The following MYL12B variants were observed in gnomAD, a reference collection of about 807,000 sequenced individuals.
The protein encoded by MYL12B is myosin regulatory light chain 12B.
Under a neutral mutation model 12.9 loss-of-function variants are expected in MYL12B, and 3 were observed. That is an observed-to-expected ratio of 0.23 (90% confidence interval 0.11 to 0.60). The LOEUF (loss-of-function observed/expected upper bound fraction) is 0.60. Ranked by LOEUF, MYL12B falls within the 20% of genes least tolerant of loss-of-function variation. MYL12B has a pLI of 0.89. For missense variants in MYL12B, 120 were observed against 215.4 expected (o/e 0.56, Z 2.77); for synonymous variants, 57 against 71.9 (o/e 0.79, Z 1.05).
chr18:3,267,350 G>A (rs918476192), intron 1 of MYL12B, among the ~76,000 whole-genome samples: 1 of 152,202 alleles, frequency 6.6e-6, no homozygotes, highest in Admixed American at 6.5e-5. Flanking sequence ...TGTGCTCTGT[G>A]AGCATCTTCC....
At chr18:3,274,038 C>T (rs2081707203) in intron 2 of MYL12B, among the ~76,000 whole-genome samples, 2 of 152,182 alleles carry the variant, frequency 1.3e-5, no homozygotes, top group South Asian at 2.1e-4. Flanking sequence ...TAGTGAACAC[C>T]TATACATCTT....
At chr18:3,273,489 GA>G (rs1477581795) in intron 2 of MYL12B, among the ~76,000 whole-genome samples, 23 of 152,108 alleles carry the variant, frequency 1.5e-4, no homozygotes, top group Admixed American at 6.6e-5. Context: ...AGTGCGACTG[GA>G]AAAGGGAACA....
At chr18:3,262,702 T>C (rs944098924) in intron 1 of MYL12B, 1 of 152,286 alleles carries the variant, frequency 6.6e-6, no homozygotes, top group Non-Finnish European at 1.5e-5. Flanking sequence ...TGCCCAACAC[T>C]ATCCTAGATG....
intron 1 of MYL12B, among the ~76,000 whole-genome samples, chr18:3,268,436 T>C (rs1031111749): frequency 1.2e-4 from 18 of 152,192 alleles, no homozygotes; most frequent in Admixed American, 6.5e-5. Flanking sequence ...CATTAATAAA[T>C]TGGACAGTCC....
intron 1 of MYL12B, chr18:3,262,706 C>G (rs1418304442): frequency 6.6e-6 from 1 of 152,328 alleles, no homozygotes; most frequent in Non-Finnish European, 1.5e-5. Flanking sequence ...CAACACTATC[C>G]TAGATGCTTT....
In MYL12B at chr18:3,272,904, G is replaced by A. The variant is rs377490732; in HGVS notation, c.6G>A (p.Ser2=). The change falls in exon 2 of 4, where the codon TCG becomes TCA. Residue 2 remains serine, a synonymous_variant. Transcript: ENST00000237500. M[S]SKKAKTKTTK... ...TCCAGAATTAAACAACCACCATGTC[G>A]AGCAAAAAGGCAAAGACCAAGACCA... 4.0e-5 allele frequency: 63 copies of A among 1,588,366 alleles called. 1 individual carries two copies. Among genetic ancestry groups the A allele is most frequent in the Non-Finnish European group, 4.6e-5 (54 of 1,170,092 alleles).
chr18:3,270,617 A>G (rs1030108202), intron 1 of MYL12B, among the ~76,000 whole-genome samples: 4 of 152,188 alleles, frequency 2.6e-5, no homozygotes, highest in Non-Finnish European at 5.9e-5. Context: ...TAAATATAGT[A>G]TATTTTTGGG....
At position 3,264,472 on chromosome 18, in the gene MYL12B, TGTG is replaced by T. The variant is rs2081621236; in HGVS notation, c.-16+2237_-16+2239del. On this transcript the variant is annotated intron_variant, in intron 1 of 3. Transcript: ENST00000237500. ...TAATCCTAATGCTTTGAGAAGCCAA[TGTG>T]GGGGGATCATTTGAAGCCAGGGGTT... Among the ~76,000 whole-genome samples the T allele has an allele frequency of 3.3e-5, 5 of 152,176 alleles. No individual in the cohort carries two copies. In the South Asian group the frequency reaches 1.0e-3, roughly 32 times the overall value.
intron 1 of MYL12B, among the ~76,000 whole-genome samples, chr18:3,269,103 G>A (rs1399032669): frequency 1.3e-5 from 2 of 152,212 alleles, no homozygotes; most frequent in South Asian, 4.1e-4. Flanking sequence ...AAAGTACAAA[G>A]CAGGGAATGG....
intron 1 of MYL12B, among the ~76,000 whole-genome samples, chr18:3,269,142 A>G (rs1352736523): frequency 1.3e-5 from 2 of 152,186 alleles, no homozygotes; most frequent in African/African-American, 4.8e-5. Flanking sequence ...AGGTCATTCT[A>G]GAGTAGGGAA....
intron 1 of MYL12B, chr18:3,272,251 A>AATGGGAATAAGAGG (rs2081685609): frequency 1.0e-5 from 2 of 196,588 alleles, no homozygotes; most frequent in Non-Finnish European, 1.7e-5. Context: ...ACTGATGAAA[A>AATGGGAATAAGAGG]ATTGAGGCTC....
At chr18:3,264,585 G>A (rs2081622398) in intron 1 of MYL12B, among the ~76,000 whole-genome samples, 1 of 152,158 alleles carries the variant, frequency 6.6e-6, no homozygotes, top group African/African-American at 2.4e-5. Flanking sequence ...GGTGACTCAT[G>A]CCTGTAGTCC....
At position 3,266,411 on chromosome 18, in the gene MYL12B, C is replaced by CAATATCTTATTGTCAT. The variant is rs1369032856; in HGVS notation, c.-16+4189_-16+4190insTAATATCTTATTGTCA. Among the ~76,000 whole-genome samples the CAATATCTTATTGTCAT allele has an allele frequency of 3.3e-5, 5 of 152,338 alleles. No homozygotes were observed. In the South Asian group the frequency reaches 1.0e-3, roughly 32 times the overall value. On this transcript the variant is annotated intron_variant, in intron 1 of 3. Transcript: ENST00000237500. ...GACAAAGCCAAACACCCTCATTTCA[C>CAATATCTTATTGTCAT]AATATCTTATTGTCACAATATCTTA...
intron 1 of MYL12B, 164 bp downstream of exon 1, chr18:3,262,401 AG>A (rs1383765550): frequency 2.8e-5 from 1 of 35,778 alleles, no homozygotes; most frequent in African/African-American, 4.6e-5. Flanking sequence ...CCGGAGGTGG[AG>A]GGAGGAGGGT....
chr18:3,272,246 T>TAAGCTCA (rs1474413987), intron 1 of MYL12B: 2 of 78,096 alleles, frequency 2.6e-5, no homozygotes, highest in Non-Finnish European at 2.9e-5. Context: ...GTTTTACTGA[T>TAAGCTCA]GAAAAATTGA....
chr18:3,273,036 T>G lies in MYL12B; in HGVS notation c.138T>G (p.Asp46Glu). Residue 46 changes from aspartate to glutamate, a missense_variant, in exon 2 of 4, where the codon GAT becomes GAG. Asp to Glu is a conservative substitution (Grantham distance 45). Transcript: ENST00000237500. The part of the protein sequence containing the change: ...EAFNMIDQNR[D>E]GFIDKEDLHD... ...TCAACATGATTGATCAGAACAGAGA[T>G]GGCTTCATCGACAAGGAAGATTTGC... The G allele has an allele frequency of 1.2e-6, 2 of 1,607,514 alleles. No individual in the cohort carries two copies. Among genetic ancestry groups the G allele is most frequent in the Non-Finnish European group, 1.7e-6 (2 of 1,176,170 alleles).
At chr18:3,275,678 G>C (rs962539079) in intron 2 of MYL12B, among the ~76,000 whole-genome samples, 1 of 152,052 alleles carries the variant, frequency 6.6e-6, no homozygotes, top group Non-Finnish European at 1.5e-5. Context: ...TGTCTTGAGC[G>C]GGTCCATAAG....
At chr18:3,266,544 A>C (rs558922024) in intron 1 of MYL12B, among the ~76,000 whole-genome samples, 1 of 149,898 alleles carries the variant, frequency 6.7e-6, no homozygotes, top group South Asian at 2.2e-4. Flanking sequence ...CAGAGGAGCA[A>C]GTTAAAGTGT....
At position 3,272,864 on chromosome 18, in the gene MYL12B, G is replaced by A. The variant is rs767126817; in HGVS notation, c.-15-20G>A. 1 of 1,524,714 alleles carries A rather than the reference G, an allele frequency of 6.6e-7. No individual in the cohort carries two copies. The highest frequency in any genetic ancestry group is 2.3e-5 in the East Asian group (1 of 43,926). 94.4% of individuals were successfully genotyped at this position (1,524,714 alleles called of 1,614,324 possible). A position where few individuals can be genotyped will look rare whatever the true frequency, so the allele number is the denominator to read the frequency against. On this transcript the variant is annotated intron_variant, in intron 1 of 3. Transcript: ENST00000237500. ...ATACATTGTTTTGTTTTACGTTTTT[G>A]TGTTTTTTTTTTAATCCAGAATTAA...
Sources: allele counts gnomAD v4.1 joint callset (sites outside exome capture counted in the v4.1 genomes callset), GRCh38; gene constraint gnomAD v4.1.1; transcripts MANE v1.5; gene names NCBI Gene and HGNC (gene_info 2026-07-23, HGNC 2026-07-21).